FBXW8: variants seen among roughly 807,000 people sequenced by gnomAD.
The protein encoded by FBXW8 is F-box/WD repeat-containing protein 8.
FBXW8 carries 57 observed loss-of-function variants against 65.3 expected under a neutral mutation model. The ratio of observed to expected loss-of-function variants is 0.87; its 90% CI spans 0.71 to 1.09. The LOEUF is 1.09. Among genes scored for constraint, FBXW8 ranks in the 50% least tolerant of loss-of-function variants. The pLI is 0.00. For missense variants in FBXW8, 777 were observed against 814.8 expected, an observed-to-expected ratio of 0.95 and a Z score of 0.57; for synonymous variants, 308 against 330.2, an observed-to-expected ratio of 0.93 and a Z score of 0.73.
intron 4 of FBXW8, among the ~76,000 whole-genome samples, chr12:116,958,638 G>GT (rs1482482185): frequency 2.0e-5 from 3 of 152,176 alleles, no homozygotes; most frequent in African/African-American, 7.2e-5. Context: ...AGGTGTTAGG[G>GT]TTGGGGAGGA....
intron 1 of FBXW8, among the ~76,000 whole-genome samples, chr12:116,917,766 A>G (rs901674727): frequency 6.6e-6 from 1 of 152,032 alleles, no homozygotes; most frequent in Non-Finnish European, 1.5e-5. Context: ...GCCGAGGTGG[A>G]TGGATCACGA....
chr12:117,000,904 C>T (rs149493671), intron 7 of FBXW8, among the ~76,000 whole-genome samples: 97 of 152,330 alleles, frequency 6.4e-4, no homozygotes, highest in Middle Eastern at 3.4e-3. Flanking sequence ...CAAAGTGGCG[C>T]AGGAATGACA....
At chr12:117,022,748 C>T (rs1405607070) in intron 8 of FBXW8, among the ~76,000 whole-genome samples, 1 of 152,124 alleles carries the variant, frequency 6.6e-6, no homozygotes. Flanking sequence ...GTAAACTGCC[C>T]CTTCGTTGTT....
chr12:116,944,723 T>TA lies in FBXW8; in HGVS notation c.424-637dup, dbSNP rs1882817015. Among the ~76,000 whole-genome samples the TA allele has an allele frequency of 2.6e-5, 4 of 151,716 alleles. No individual in the cohort carries two copies. The South Asian group carries it at 6.2e-4, about 24-fold the overall frequency. On this transcript the variant is annotated intron_variant, in intron 2 of 10. Transcript: ENST00000652555. ...TGTTGGAAAACAAAATGCTAATAGT[T>TA]AAAATGGCCATTTCCTCTGGATACT... is the stretch of plus-strand genomic sequence containing the variant.
intron 8 of FBXW8, among the ~76,000 whole-genome samples, chr12:117,017,504 A>G (rs1953979134): frequency 6.6e-6 from 1 of 152,214 alleles, no homozygotes. Flanking sequence ...GTTTAAAATG[A>G]ATCTTTCACC....
At chr12:116,946,327 A>C (rs1411335778) in intron 3 of FBXW8, among the ~76,000 whole-genome samples, 1 of 152,194 alleles carries the variant, frequency 6.6e-6, no homozygotes, top group African/African-American at 2.4e-5. Flanking sequence ...ATTAGTGACC[A>C]ATACGCTTGA....
intron 7 of FBXW8, among the ~76,000 whole-genome samples, chr12:116,989,719 T>A (rs1953189154): frequency 6.6e-6 from 1 of 152,112 alleles, no homozygotes; most frequent in Non-Finnish European, 1.5e-5. Context: ...TCATTTTGGG[T>A]TTTTTCCCAA....
chr12:116,995,570 T>G (rs1461341601), intron 7 of FBXW8, among the ~76,000 whole-genome samples: 1 of 151,932 alleles, frequency 6.6e-6, no homozygotes, highest in Non-Finnish European at 1.5e-5. Flanking sequence ...ATTTTTTTCC[T>G]CAGTTCCTAC....
At chr12:116,974,405 T>C (rs2137411641) in intron 5 of FBXW8, among the ~76,000 whole-genome samples, 1 of 152,252 alleles carries the variant, frequency 6.6e-6, no homozygotes, top group South Asian at 2.1e-4. Flanking sequence ...GATTGTTGAG[T>C]GGAATCTTCA....
intron 4 of FBXW8, among the ~76,000 whole-genome samples, chr12:116,955,185 G>A (rs1263638544): frequency 1.3e-5 from 2 of 152,158 alleles, no homozygotes; most frequent in African/African-American, 2.4e-5. Context: ...ACCTCCGTGA[G>A]CGCCTTCTCT....
intron 1 of FBXW8, among the ~76,000 whole-genome samples, chr12:116,915,810 G>A (rs1293678929): frequency 2.0e-5 from 3 of 151,710 alleles, no homozygotes; most frequent in Non-Finnish European, 2.9e-5. Context: ...GCACCACCAC[G>A]GCCTGCTCAT....
chr12:116,973,431 A>C (rs977564362), intron 5 of FBXW8, among the ~76,000 whole-genome samples: 1 of 152,252 alleles, frequency 6.6e-6, no homozygotes, highest in Admixed American at 6.5e-5. Flanking sequence ...CTCTGCAGTC[A>C]GGAAATCTAA....
intron 9 of FBXW8, 91 bp downstream of exon 9, chr12:117,024,411 C>T (rs1281240955): frequency 2.1e-6 from 3 of 1,462,912 alleles, no homozygotes; most frequent in East Asian, 2.3e-5. Flanking sequence ...TGCTAAATGC[C>T]CCCTACCCCC....
At position 116,910,966 on chromosome 12, in the gene FBXW8, C is replaced by G. The variant is rs565170875; in HGVS notation, c.-72C>G. The G allele has an allele frequency of 3.1e-6, 4 of 1,278,696 alleles. No individual in the cohort carries two copies. The highest frequency in any genetic ancestry group is 4.0e-6 in the Non-Finnish European group (4 of 1,009,670). 79.2% of individuals were successfully genotyped at this position (1,278,696 alleles called of 1,614,324 possible). On this transcript the variant is annotated 5_prime_UTR_variant, in exon 1 of 11. Transcript: ENST00000652555. ...CAGCGGCTTCCGGCCGCGGCGGACA[C>G]TTCCCTGGGCGGGACTGTCTCGTGG...
rs1201846075 is a variant in FBXW8, at chr12:116,928,124, AC to A, written c.421del (p.Gln141ArgfsTer2). 3 of 1,594,978 alleles carry A rather than the reference AC, an allele frequency of 1.9e-6. No individual in the cohort carries two copies. The highest frequency in any genetic ancestry group is 2.6e-6 in the Non-Finnish European group (3 of 1,164,008). ...ACAGGAAAGAACTAGGAAGATGTGC[AC>A]AGGTAAGGTGTCACCAACAGATGTT... is the stretch of plus-strand genomic sequence containing the variant. ...LDRKELGRCAQVSKTWKVIAE... is the reference protein window; with the variant it reads ...LDRKELGRCAXVSKTWKVIAE... On this transcript the variant is annotated frameshift_variant and splice_region_variant, in exon 2 of 11. Coordinates refer to ENST00000652555, the MANE Select transcript of FBXW8 (RefSeq NM_153348.3). LOFTEE classifies it high-confidence loss of function.
intron 2 of FBXW8, 129 bp from the exon 3 acceptor site, chr12:116,945,235 G>A: frequency 1.2e-6 from 1 of 823,620 alleles, no homozygotes; most frequent in Non-Finnish European, 1.8e-6. Flanking sequence ...ACCTCATAGT[G>A]TTTTGTTAAT....
rs1414838835 is a variant in FBXW8 at position 117,028,344 on chromosome 12, G to C, written c.*172G>C. On this transcript the variant is annotated 3_prime_UTR_variant, in exon 11 of 11. Transcript: ENST00000652555. The surrounding 1 kb of genome is among the most constrained non-coding windows in gnomAD (Gnocchi z 4.1). ...ACCCCTGCACTTCCCCCAGCGCCTG[G>C]GGCAAGCTGGCGTGTGCCAGGGCTC... is the stretch of plus-strand genomic sequence containing the variant. 2.5e-6 allele frequency: 2 copies of C among 787,412 alleles called. No individual in the cohort carries two copies. Among genetic ancestry groups the C allele is most frequent in the African/African-American group, 1.8e-5 (1 of 56,488 alleles). The allele number at this position is 787,412 out of a possible 1,614,324, so 48.8% of individuals were successfully genotyped here.
At position 117,030,053 on chromosome 12, in the gene FBXW8, A is replaced by G. The variant is rs963036700; in HGVS notation, c.*1881A>G. 2 of 152,262 alleles carry G rather than the reference A, an allele frequency of 1.3e-5. No homozygotes were observed. Among genetic ancestry groups the G allele is most frequent in the African/African-American group, 4.8e-5 (2 of 41,454 alleles). The allele number at this position is 152,262 out of a possible 1,614,324, so 9.4% of individuals were successfully genotyped here. ...GGAACCGTTTGTCCACACTCATTCCAGAGAAAACCGAGTCCTCTCAGTTGC... is the reference window on the plus strand; with the variant it reads ...GGAACCGTTTGTCCACACTCATTCCGGAGAAAACCGAGTCCTCTCAGTTGC... On this transcript the variant is annotated 3_prime_UTR_variant, in exon 11 of 11. Coordinates refer to ENST00000652555, the MANE Select transcript of FBXW8 (RefSeq NM_153348.3).
intron 7 of FBXW8, among the ~76,000 whole-genome samples, chr12:116,995,935 A>G (rs1953363461): frequency 6.6e-6 from 1 of 152,194 alleles, no homozygotes; most frequent in African/African-American, 2.4e-5. Context: ...CCATGGACAC[A>G]TATTTATGAT....
Sources: allele counts gnomAD v4.1 joint callset (sites outside exome capture counted in the v4.1 genomes callset), GRCh38; gene constraint gnomAD v4.1.1; non-coding constraint Gnocchi (gnomAD v3.1); transcripts MANE v1.5; gene names NCBI Gene and HGNC (gene_info 2026-07-23, HGNC 2026-07-21).